Variants in IRAK2 observed in about 807,000 individuals in gnomAD.
IRAK2 encodes interleukin-1 receptor-associated kinase-like 2.
In IRAK2, 57 loss-of-function variants were observed where a neutral mutation model predicts 72.0. That is an observed-to-expected ratio of 0.79 (90% CI 0.64 to 0.99). The LOEUF (loss-of-function observed/expected upper bound fraction) is 0.99, where lower values mean the gene tolerates loss of function less well. Ranked by LOEUF, IRAK2 falls within the 50% of genes least tolerant of loss-of-function variation. The pLI is 0.00. For synonymous variants in IRAK2, 293 were observed against 312.7 expected, an observed-to-expected ratio of 0.94 and a Z score of 0.67; for missense variants, 790 against 794.4, an observed-to-expected ratio of 0.99 and a Z score of 0.07.
intron 2 of IRAK2, among the ~76,000 whole-genome samples, chr3:10,196,272 G>A (rs909688675): frequency 1.3e-5 from 2 of 152,128 alleles, no homozygotes; most frequent in African/African-American, 2.4e-5. Context: ...GCACCACCAC[G>A]CCTGGCTAAT....
intron 10 of IRAK2, 68 bp downstream of exon 10, chr3:10,226,501 G>A (rs574491516): frequency 5.1e-5 from 66 of 1,282,038 alleles, no homozygotes; most frequent in Non-Finnish European, 7.2e-5. Context: ...AGAGGGCAAC[G>A]ACCTCAATTC....
At chr3:10,241,512 T>C (rs1698060368) in intron 12 of IRAK2, among the ~76,000 whole-genome samples, 1 of 149,728 alleles carries the variant, frequency 6.7e-6, no homozygotes, top group South Asian at 2.1e-4. Context: ...TGAGCCGAGA[T>C]TGAGCCACTG....
rs116080841 is a variant in IRAK2 at position 10,219,975 on chromosome 3, G to A, written c.1013+186G>A. 2.5e-3 allele frequency among the ~76,000 whole-genome samples: 386 copies of A among 152,202 alleles called. 1 individual carries two copies. Among genetic ancestry groups the A allele is most frequent in the African/African-American group, 8.6e-3 (359 of 41,524 alleles). ...TATGCCCTCAAAAATGAGTGTTTCC[G>A]GGCTGTGCTCCAAGTCCAATTGCTC... On this transcript the variant is annotated intron_variant, in intron 8 of 12. Coordinates refer to ENST00000256458, the MANE Select transcript of IRAK2 (RefSeq NM_001570.4).
intron 10 of IRAK2, among the ~76,000 whole-genome samples, chr3:10,233,702 T>G (rs1559453696): frequency 6.6e-6 from 1 of 152,216 alleles, no homozygotes; most frequent in Non-Finnish European, 1.5e-5. Flanking sequence ...TATTAAGTGC[T>G]TATCATGTAG....
rs1334508512 is a variant in IRAK2 at position 10,177,887 on chromosome 3, G to A, written c.144G>A (p.Met48Ile). 1 of 1,613,820 alleles carries A rather than the reference G, an allele frequency of 6.2e-7. No individual in the cohort carries two copies. The highest frequency in any genetic ancestry group is 2.2e-5 in the East Asian group (1 of 44,860). The change falls in exon 2 of 13, where the codon ATG becomes ATA. Residue 48 changes from methionine (M) to isoleucine (I), a missense_variant. Met to Ile is a conservative substitution (Grantham distance 10, BLOSUM62 1). Coordinates refer to ENST00000256458, the MANE Select transcript of IRAK2 (RefSeq NM_001570.4). ...CCCAGCTGCGGAAGATCAAGTCCAT[G>A]GAGCGGGTGCAGGGTGTGAGCATCA... ...DLTQLRKIKS[M>I]ERVQGVSITR...
intron 2 of IRAK2, among the ~76,000 whole-genome samples, chr3:10,189,927 T>G (rs1006724369): frequency 2.0e-5 from 3 of 152,102 alleles, no homozygotes; most frequent in Non-Finnish European, 4.4e-5. Flanking sequence ...GACACTGTTT[T>G]GGGCCAAAAC....
At chr3:10,237,254 G>T (rs1697974893) in intron 11 of IRAK2, among the ~76,000 whole-genome samples, 1 of 152,074 alleles carries the variant, frequency 6.6e-6, no homozygotes, top group Admixed American at 6.5e-5. Flanking sequence ...AGGATGAGAC[G>T]TTTGCCACGT....
chr3:10,235,250 A>G (rs139992796), intron 11 of IRAK2, among the ~76,000 whole-genome samples: 1 of 152,204 alleles, frequency 6.6e-6, no homozygotes, highest in Non-Finnish European at 1.5e-5. Context: ...TTTTTTGGAC[A>G]TGAGAAGTAG....
chr3:10,213,868 T>G (rs1697561372), intron 6 of IRAK2, among the ~76,000 whole-genome samples: 1 of 151,892 alleles, frequency 6.6e-6, no homozygotes, highest in Admixed American at 6.6e-5. Context: ...AAACTTGGCT[T>G]ACTCCAACTC....
intron 11 of IRAK2, 97 bp from the exon 12 acceptor site, chr3:10,238,651 T>A: frequency 8.4e-7 from 1 of 1,190,106 alleles, no homozygotes; most frequent in South Asian, 1.4e-5. Flanking sequence ...GGTTCTTCAG[T>A]CTGCTCCCCG....
rs992154138 is a variant in IRAK2 at position 10,213,270 on chromosome 3, T to C, written c.592T>C (p.Trp198Arg). ...LLSLAGDSLF[W>R]SEADVVQATD... ...GAGCTTGGCTGGAGACAGCCTTTTC[T>C]GGAGTGAGGCAGACGTGGTCCAGGC... The change falls in exon 5 of 13, where the codon TGG becomes CGG. Residue 198 changes from tryptophan (W) to arginine (R), a missense_variant. Coordinates refer to ENST00000256458, the MANE Select transcript of IRAK2 (RefSeq NM_001570.4). 1 of 1,614,056 alleles carries C rather than the reference T, an allele frequency of 6.2e-7. No individual in the cohort carries two copies. The highest frequency in any genetic ancestry group is 8.5e-7 in the Non-Finnish European group (1 of 1,180,052).
chr3:10,176,741 T>G (rs999603385), intron 1 of IRAK2, among the ~76,000 whole-genome samples: 1 of 151,888 alleles, frequency 6.6e-6, no homozygotes, highest in African/African-American at 2.4e-5. Context: ...CCTTCCAAAG[T>G]GCTGGGATTA....
intron 2 of IRAK2, among the ~76,000 whole-genome samples, chr3:10,194,080 C>G (rs1697225179): frequency 1.3e-5 from 2 of 152,260 alleles, no homozygotes; most frequent in South Asian, 4.1e-4. Context: ...GGCCCCTGCC[C>G]TGGGCCAGCC....
intron 4 of IRAK2, among the ~76,000 whole-genome samples, chr3:10,212,478 A>G (rs13078669): frequency 0.31 from 47,794 of 151,952 alleles, 8,039 homozygotes; most frequent in Non-Finnish European, 0.38. Flanking sequence ...CTATGCTGTG[A>G]ATTAGACCAA....
chr3:10,210,830 T>C (rs984720249), intron 4 of IRAK2, among the ~76,000 whole-genome samples: 3 of 152,160 alleles, frequency 2.0e-5, no homozygotes, highest in African/African-American at 7.2e-5. Context: ...TGGGCAACAG[T>C]GTGAGATCCT....
chr3:10,168,285 G>A (rs566134073), intron 1 of IRAK2, among the ~76,000 whole-genome samples: 23 of 149,780 alleles, frequency 1.5e-4, no homozygotes, highest in African/African-American at 3.2e-4. Context: ...ATCTCGGCTC[G>A]CTGCAACCTT....
chr3:10,194,363 G>T (rs372936566), intron 2 of IRAK2, among the ~76,000 whole-genome samples: 13 of 152,320 alleles, frequency 8.5e-5, no homozygotes, highest in South Asian at 8.3e-4. Flanking sequence ...ATTCTCTTGA[G>T]AATTTAATCC....
chr3:10,166,707 A>C (rs1349716891), intron 1 of IRAK2, among the ~76,000 whole-genome samples: 2 of 151,984 alleles, frequency 1.3e-5, no homozygotes, highest in Non-Finnish European at 2.9e-5. Context: ...TGCAGTGGCG[A>C]GATCTCGGCT....
intron 3 of IRAK2, among the ~76,000 whole-genome samples, chr3:10,207,205 G>C (rs756726540): frequency 6.6e-6 from 1 of 150,868 alleles, no homozygotes; most frequent in Non-Finnish European, 1.5e-5. Flanking sequence ...CACCTGCCTC[G>C]GCCTCCCAAA....
Sources: allele counts gnomAD v4.1 joint callset (sites outside exome capture counted in the v4.1 genomes callset), GRCh38; gene constraint gnomAD v4.1.1; transcripts MANE v1.5; gene names NCBI Gene and HGNC (gene_info 2026-07-23, HGNC 2026-07-21).